Variants in A1CF observed in about 807,000 individuals in gnomAD.
A1CF encodes APOBEC1 complementation factor, also known as APOBEC-1 stimulating protein.
A neutral mutation model predicts 68.9 loss-of-function variants in A1CF; 48 were observed. The observed-to-expected ratio is 0.70, with a 90% CI of 0.55 to 0.89. The LOEUF is 0.89. A1CF is among the 40% of genes least tolerant of loss of function. The probability of loss-of-function intolerance (pLI) is 0.00; values close to 1 mark genes in which losing one functional copy is unlikely to be tolerated. For synonymous variants in A1CF, 272 were observed against 260.4 expected, an observed-to-expected ratio of 1.04 and a Z score of -0.43; for missense variants, 653 against 718.9, an observed-to-expected ratio of 0.91 and a Z score of 1.05.
intron 5 of A1CF, among the ~76,000 whole-genome samples, chr10:50,840,813 G>A (rs756058440): frequency 2.0e-5 from 3 of 152,090 alleles, no homozygotes; most frequent in African/African-American, 7.2e-5. Flanking sequence ...GCCCTAAAAG[G>A]TCCTTCCTCT....
chr10:50,816,510 G>A (rs1366621232), intron 8 of A1CF: 9 of 521,246 alleles, frequency 1.7e-5, no homozygotes, highest in Non-Finnish European at 2.4e-5. Context: ...ATATTGGCCA[G>A]TGTCCATTGA....
At chr10:50,871,891 C>A (rs1366350869) in intron 1 of A1CF, among the ~76,000 whole-genome samples, 1 of 151,868 alleles carries the variant, frequency 6.6e-6, no homozygotes, top group African/African-American at 2.4e-5. Context: ...TATTAAGAAC[C>A]ATAAATGAAA....
intron 8 of A1CF, 90 bp downstream of exon 8, chr10:50,820,462 G>A (rs1838593783): frequency 2.8e-6 from 3 of 1,071,320 alleles, no homozygotes; most frequent in Admixed American, 2.2e-5. Flanking sequence ...AGGCTGGAGT[G>A]AGACAGGCTT....
rs1837676135 is a variant in A1CF at position 50,803,232 on chromosome 10, G to GCCCAAGTAGCTGGGACCACAGT, written c.*3496_*3497insACTGTGGTCCCAGCTACTTGGG. 1 of 151,302 alleles carries GCCCAAGTAGCTGGGACCACAGT rather than the reference G, an allele frequency of 6.6e-6. No homozygotes were observed. Among genetic ancestry groups the GCCCAAGTAGCTGGGACCACAGT allele is most frequent in the African/African-American group, 2.4e-5 (1 of 41,144 alleles). The allele number at this position is 151,302 out of a possible 1,614,324, so 9.4% of individuals were successfully genotyped here. On this transcript the variant is annotated 3_prime_UTR_variant, in exon 13 of 13. Transcript: ENST00000373997. ...GCTTCCCAAGTAGCTGGGACCACAGGCCCACGCCACCACAACTGGCCAATT... is the reference window on the plus strand; with the variant it reads ...GCTTCCCAAGTAGCTGGGACCACAGGCCCAAGTAGCTGGGACCACAGTCCCACGCCACCACAACTGGCCAATT...
chr10:50,850,956 C>T, intron 3 of A1CF: 1 of 803,476 alleles, frequency 1.2e-6, no homozygotes, highest in Non-Finnish European at 1.9e-6. Flanking sequence ...ATTATTATGG[C>T]CGCTAGATCT....
intron 7 of A1CF, 127 bp from the exon 8 acceptor site, chr10:50,820,776 C>T: frequency 3.1e-6 from 2 of 638,084 alleles, no homozygotes; most frequent in Non-Finnish European, 5.1e-6. Flanking sequence ...AAGTAAGGAT[C>T]TCATCAAGAA....
intron 6 of A1CF, among the ~76,000 whole-genome samples, chr10:50,833,053 A>G (rs1044876223): frequency 6.6e-6 from 1 of 152,228 alleles, no homozygotes; most frequent in African/African-American, 2.4e-5. Flanking sequence ...ACTGAAGAAT[A>G]GAATCATCTG....
At position 50,816,552 on chromosome 10, in the gene A1CF, A is replaced by G. The variant is rs1395060391; in HGVS notation, c.868-273T>C. ...CATTATAAATTTACAATCTGGTTAC[A>G]GTCACTGAGACAGAAAGTTATGTAA... On this transcript the variant is annotated intron_variant, in intron 8 of 12. Transcript: ENST00000373997. The G allele has an allele frequency of 8.1e-6, 3 of 372,150 alleles. No homozygotes were observed. In the Admixed American group the frequency reaches 1.3e-4, roughly 16 times the overall value. The allele number at this position is 372,150 out of a possible 1,614,324, so 23.1% of individuals were successfully genotyped here. A position where few individuals can be genotyped will look rare whatever the true frequency, so the allele number is the denominator to read the frequency against.
intron 4 of A1CF, 32 bp downstream of exon 4, chr10:50,843,956 T>G: frequency 6.2e-7 from 1 of 1,611,458 alleles, no homozygotes; most frequent in African/African-American, 1.3e-5. Context: ...CCTTGAACGA[T>G]AAGAAAAATT....
chr10:50,822,703 A>G lies in A1CF; in HGVS notation c.770-2054T>C, dbSNP rs539014954. 165 of 152,366 alleles carry G rather than the reference A, an allele frequency of 1.1e-3. 1 individual carries two copies. Among genetic ancestry groups the G allele is most frequent in the African/African-American group, 3.8e-3 (159 of 41,590 alleles). 9.4% of individuals were successfully genotyped at this position (152,366 alleles called of 1,614,324 possible). A position where few individuals can be genotyped will look rare whatever the true frequency, so the allele number is the denominator to read the frequency against. Reference sequence around the variant, plus strand: ...TCTCTGAGACCATGAAGCATGAGACATATAATTAACTGAATATCCAATATA... The same window carrying G: ...TCTCTGAGACCATGAAGCATGAGACGTATAATTAACTGAATATCCAATATA... On this transcript the variant is annotated intron_variant, in intron 7 of 12. Transcript: ENST00000373997.
At chr10:50,817,429 C>T (rs1279389339) in intron 8 of A1CF, among the ~76,000 whole-genome samples, 1 of 152,116 alleles carries the variant, frequency 6.6e-6, no homozygotes, top group African/African-American at 2.4e-5. Flanking sequence ...GTCATCCTGA[C>T]CATTTTGTTC....
chr10:50,874,265 A>G (rs548078497), intron 1 of A1CF, among the ~76,000 whole-genome samples: 1 of 151,574 alleles, frequency 6.6e-6, no homozygotes, highest in East Asian at 1.9e-4. Context: ...GTAATTTCAA[A>G]TAGTTGGAAC....
chr10:50,850,101 T>A (rs1840171807), intron 3 of A1CF, among the ~76,000 whole-genome samples: 1 of 152,214 alleles, frequency 6.6e-6, no homozygotes, highest in Non-Finnish European at 1.5e-5. Context: ...CTCTTGACTT[T>A]CATTTATTGG....
At chr10:50,877,860 C>A (rs180694535) in intron 1 of A1CF, among the ~76,000 whole-genome samples, 109 of 152,334 alleles carry the variant, frequency 7.2e-4, no homozygotes, top group African/African-American at 2.6e-3. Flanking sequence ...CCGTGGCTCA[C>A]GCCTGTAATC....
At chr10:50,870,516 A>G (rs1181316291) in intron 1 of A1CF, among the ~76,000 whole-genome samples, 1 of 151,876 alleles carries the variant, frequency 6.6e-6, no homozygotes. Context: ...ACTTTTACCA[A>G]TAATTTGAAA....
At chr10:50,843,636 T>TA (rs1260280564) in intron 4 of A1CF, among the ~76,000 whole-genome samples, 1 of 152,220 alleles carries the variant, frequency 6.6e-6, no homozygotes, top group African/African-American at 2.4e-5. Flanking sequence ...TATAAAACTG[T>TA]ATTAAAATTT....
At chr10:50,814,194 A>G (rs1838260190) in intron 9 of A1CF, 156 bp from the exon 10 acceptor site, 1 of 721,994 alleles carries the variant, frequency 1.4e-6, no homozygotes, top group African/African-American at 1.8e-5. Context: ...CTAGGATTCT[A>G]ATGTAATGAA....
chr10:50,849,681 G>A (rs1840145425), intron 3 of A1CF, among the ~76,000 whole-genome samples: 1 of 149,326 alleles, frequency 6.7e-6, no homozygotes, highest in Admixed American at 6.7e-5. Flanking sequence ...ATGTACATTA[G>A]AAAAAGTATA....
intron 7 of A1CF, among the ~76,000 whole-genome samples, chr10:50,822,199 C>T (rs1838709270): frequency 6.6e-6 from 1 of 152,042 alleles, no homozygotes; most frequent in African/African-American, 2.4e-5. Flanking sequence ...GATAGTTGTA[C>T]CGAGATAGTT....
Sources: allele counts gnomAD v4.1 joint callset (sites outside exome capture counted in the v4.1 genomes callset), GRCh38; gene constraint gnomAD v4.1.1; transcripts MANE v1.5; gene names NCBI Gene and HGNC (gene_info 2026-07-23, HGNC 2026-07-21).